Variants in ADA2 observed in about 807,000 individuals in gnomAD.
ADA2 encodes adenosine deaminase CECR1.
In ADA2, 29 loss-of-function variants were observed where a neutral mutation model predicts 44.2. The ratio of observed to expected loss-of-function variants is 0.66; its 90% CI spans 0.49 to 0.89. ADA2 has a LOEUF of 0.89. ADA2 is among the 40% of genes least tolerant of loss of function. The pLI is 0.00. For synonymous variants in ADA2, 215 were observed against 234.9 expected (o/e 0.92, Z 0.77); for missense variants, 637 against 644.8 (o/e 0.99, Z 0.13).
At position 17,179,821 on chromosome 22, in the gene ADA2, T is replaced by C. The variant is rs1201591156; in HGVS notation, c.*1662A>G. 6.6e-6 allele frequency: 1 copy of C among 152,178 alleles called. No individual in the cohort carries two copies. The allele number at this position is 152,178 out of a possible 1,614,324, so 9.4% of individuals were successfully genotyped here. A position where few individuals can be genotyped will look rare whatever the true frequency, so the allele number is the denominator to read the frequency against. The stretch of plus-strand genomic sequence containing the variant: ...CGTTGTAAGCAAAGGAGTGACCTGA[T>C]TTAATTTGATCTTTTAAAAGTCATT... On this transcript the variant is annotated 3_prime_UTR_variant, in exon 10 of 10. Transcript: ENST00000399837.
chr22:17,195,960 G>T (rs2062185525), intron 4 of ADA2, among the ~76,000 whole-genome samples: 1 of 151,822 alleles, frequency 6.6e-6, no homozygotes, highest in South Asian at 2.1e-4. Flanking sequence ...TGCTGGTCAG[G>T]CTGGTCTTGA....
intron 4 of ADA2, among the ~76,000 whole-genome samples, chr22:17,194,611 C>T (rs1448083778): frequency 6.6e-6 from 1 of 152,114 alleles, no homozygotes; most frequent in Non-Finnish European, 1.5e-5. Flanking sequence ...CACACAGCCC[C>T]CCACAACCTG....
intron 4 of ADA2, among the ~76,000 whole-genome samples, chr22:17,195,255 A>T (rs1280564588): frequency 1.3e-5 from 2 of 152,234 alleles, no homozygotes; most frequent in Admixed American, 1.3e-4. Context: ...GTGATGGCTC[A>T]TGCCTGTAAT....
intron 4 of ADA2, among the ~76,000 whole-genome samples, chr22:17,197,000 C>T (rs1568979039): frequency 6.6e-6 from 1 of 152,090 alleles, no homozygotes; most frequent in Non-Finnish European, 1.5e-5. Flanking sequence ...TGGCGAAACC[C>T]CGTCTCTACT....
Position 17,188,324 on chromosome 22 carries a change from A to T in ADA2, c.1081+15T>A, listed in dbSNP as rs923107675. 2 of 1,598,474 alleles carry T rather than the reference A, an allele frequency of 1.3e-6. No homozygotes were observed. The highest frequency in any genetic ancestry group is 1.7e-6 in the Non-Finnish European group (2 of 1,166,028). ...GACCACCTCCGCTGCCTCTGCTCGC[A>T]TCCCGCAGGCTCACCTGTTTCTCCG... On this transcript the variant is annotated intron_variant, in intron 7 of 9. Coordinates refer to ENST00000399837, the MANE Select transcript of ADA2 (RefSeq NM_001282225.2).
Position 17,188,090 on chromosome 22 carries a change from AAAG to A in ADA2, c.1081+246_1081+248del, listed in dbSNP as rs918926357. Among the ~76,000 whole-genome samples the A allele has an allele frequency of 2.1e-4, 21 of 102,366 alleles. No homozygotes were observed. In the South Asian group the frequency reaches 3.0e-3, roughly 15 times the overall value. The allele number at this position is 102,366 out of a possible 152,430, so 67.2% of individuals were successfully genotyped here. ...GAGACTCCGTAAAAAAAAGAAAAAA[AAAG>A]AAGAAGAAGAAAAGAAAACAGGAAG... On this transcript the variant is annotated intron_variant, in intron 7 of 9. Coordinates refer to ENST00000399837, the MANE Select transcript of ADA2 (RefSeq NM_001282225.2).
At chr22:17,182,787 T>C (rs901797579) in intron 7 of ADA2, 26 bp from the exon 8 acceptor site, 1 of 1,546,026 alleles carries the variant, frequency 6.5e-7, no homozygotes, top group Non-Finnish European at 8.9e-7. Context: ...TGGTCTTCCA[T>C]GGGGGATGGA....
chr22:17,187,665 TAAAA>T (rs34113994), intron 7 of ADA2, among the ~76,000 whole-genome samples: 2 of 136,822 alleles, frequency 1.5e-5, no homozygotes, highest in Non-Finnish European at 3.1e-5. Flanking sequence ...CACGAAAAAT[TAAAA>T]AAAAAAAAAA....
Position 17,218,336 on chromosome 22 carries a change from T to C in ADA2, c.-47+1020A>G, listed in dbSNP as rs530079517. 2.0e-5 allele frequency among the ~76,000 whole-genome samples: 3 copies of C among 152,136 alleles called. No individual in the cohort carries two copies. In the South Asian group the frequency reaches 6.2e-4, roughly 32 times the overall value. ...GTAGTACATCAGATAGCAAAGAAAATTTTAAGAAGGAACTAGTATCAGCAA... is the reference window on the plus strand; with the variant it reads ...GTAGTACATCAGATAGCAAAGAAAACTTTAAGAAGGAACTAGTATCAGCAA... On this transcript the variant is annotated intron_variant, in intron 1 of 9. Transcript: ENST00000399837.
chr22:17,181,520 C>T lies in ADA2; in HGVS notation c.1499G>A (p.Arg500Lys). 6.2e-7 allele frequency: 1 copy of T among 1,613,794 alleles called. No homozygotes were observed. Among genetic ancestry groups the T allele is most frequent in the East Asian group, 2.2e-5 (1 of 44,884 alleles). ...KNTFMEIWKK[R>K]WDKFIADVAT... ...CACATCTGCTATGAACTTATCCCATCTCTTCTTCCAGATTTCCATGAAAGT... is the reference window on the plus strand; with the variant it reads ...CACATCTGCTATGAACTTATCCCATTTCTTCTTCCAGATTTCCATGAAAGT... The change falls in exon 10 of 10, where the codon AGA (arginine) becomes AAA (lysine). Residue 500 changes from arginine (R) to lysine (K), a missense_variant. Physicochemically the swap from Arg to Lys is conservative, Grantham distance 26. Transcript: ENST00000399837.
intron 1 of ADA2, chr22:17,213,741 TC>T: frequency 4.0e-6 from 1 of 247,786 alleles, no homozygotes; most frequent in Non-Finnish European, 8.1e-6. Flanking sequence ...GAAAGGATCC[TC>T]AAGAAAGCAT....
At position 17,181,848 on chromosome 22, in the gene ADA2, G is replaced by A; in HGVS notation, c.1414C>T (p.Leu472Phe). Residue 472 changes from leucine to phenylalanine, a missense_variant, in exon 9 of 10, where the codon CTC becomes TTC. Transcript: ENST00000399837. ...IGGMKADLRT[L>F]KQLAMNSIKY... ...ATAGAGTTCATGGCCAGCTGTTTGAGGGTCCTCAGGTCAGCCTTCATCCCC... is the reference window on the plus strand; with the variant it reads ...ATAGAGTTCATGGCCAGCTGTTTGAAGGTCCTCAGGTCAGCCTTCATCCCC... The A allele has an allele frequency of 6.2e-7, 1 of 1,613,848 alleles. No homozygotes were observed.
At position 17,207,296 on chromosome 22, in the gene ADA2, G is replaced by T; in HGVS notation, c.323-6C>A. The T allele has an allele frequency of 6.3e-7, 1 of 1,595,110 alleles. No individual in the cohort carries two copies. Among genetic ancestry groups the T allele is most frequent in the South Asian group, 1.1e-5 (1 of 90,530 alleles). ...ATGGAGGTGCAAGGCAGCCCCTGGA[G>T]AGGGAAGAAGAATGGTGAAGACAAA... On this transcript the variant is annotated splice_region_variant and splice_polypyrimidine_tract_variant and intron_variant, in intron 2 of 9. Coordinates refer to ENST00000399837, the MANE Select transcript of ADA2 (RefSeq NM_001282225.2).
rs9617964 is a variant in ADA2 at position 17,183,456 on chromosome 22, C to T, written c.1082-695G>A. ...TTCCTTCTTCCTCTTTTGTGGCACTCTTTTTTTTTTTTTTTTTTTTTTGAG... is the reference window on the plus strand; with the variant it reads ...TTCCTTCTTCCTCTTTTGTGGCACTTTTTTTTTTTTTTTTTTTTTTTTGAG... On this transcript the variant is annotated intron_variant, in intron 7 of 9. Coordinates refer to ENST00000399837, the MANE Select transcript of ADA2 (RefSeq NM_001282225.2). Among the ~76,000 whole-genome samples, 31 of 77,446 alleles carry T rather than the reference C, an allele frequency of 4.0e-4. 4 individuals carry two copies. The highest frequency in any genetic ancestry group is 4.4e-4 in the Admixed American group (3 of 6,860). 50.8% of individuals were successfully genotyped at this position (77,446 alleles called of 152,430 possible).
chr22:17,210,052 G>A (rs560730230), intron 1 of ADA2, among the ~76,000 whole-genome samples: 6 of 151,786 alleles, frequency 4.0e-5, no homozygotes, highest in Admixed American at 1.3e-4. Flanking sequence ...CACCATGCCC[G>A]GCTAATTTTT....
At position 17,181,281 on chromosome 22, in the gene ADA2, A is replaced by G; in HGVS notation, c.*202T>C. ...GAAGAAATGGCCAGAGACAGGAGAA[A>G]ACCAAGAGGGTCAATGTCACTGTGG... On this transcript the variant is annotated 3_prime_UTR_variant, in exon 10 of 10. Coordinates refer to ENST00000399837, the MANE Select transcript of ADA2 (RefSeq NM_001282225.2). 1 of 578,376 alleles carries G rather than the reference A, an allele frequency of 1.7e-6. No individual in the cohort carries two copies. Among genetic ancestry groups the G allele is most frequent in the Non-Finnish European group, 3.1e-6 (1 of 321,826 alleles). The allele number at this position is 578,376 out of a possible 1,614,324, so 35.8% of individuals were successfully genotyped here.
intron 2 of ADA2, 32 bp downstream of exon 2, chr22:17,209,324 A>G: frequency 1.3e-6 from 2 of 1,581,316 alleles, no homozygotes; most frequent in South Asian, 2.3e-5. Flanking sequence ...CTACCTTCCC[A>G]GCACCCCAAG....
chr22:17,199,425 C>CCCTCCTCTATCCTCTTCCCCTCCCTCA, intron 4 of ADA2: 1 of 978,630 alleles, frequency 1.0e-6, no homozygotes, highest in Non-Finnish European at 1.6e-6. Context: ...CTCCTCCCTC[C>CCCTCCTCTATCCTCTTCCCCTCCCTCA]CCTCCTCTAT....
intron 4 of ADA2, chr22:17,193,142 CACA>C (rs768345016): frequency 5.2e-5 from 74 of 1,414,022 alleles, no homozygotes; most frequent in Admixed American, 1.1e-4. Flanking sequence ...GTTCCTGGTC[CACA>C]ACATCAAGGA....
Sources: allele counts gnomAD v4.1 joint callset (sites outside exome capture counted in the v4.1 genomes callset), GRCh38; gene constraint gnomAD v4.1.1; transcripts MANE v1.5; gene names NCBI Gene and HGNC (gene_info 2026-07-23, HGNC 2026-07-21).